FLT4: variants seen among roughly 807,000 people sequenced by gnomAD.
The protein encoded by FLT4 is vascular endothelial growth factor receptor 3.
A neutral mutation model predicts 163.2 loss-of-function variants in FLT4; 30 were observed. That is an observed-to-expected ratio of 0.18 (90% CI 0.14 to 0.25). The LOEUF is 0.25. FLT4 is among the 10% of genes least tolerant of loss of function. The pLI, the probability that FLT4 is intolerant of heterozygous loss-of-function variation, is 1.00. For synonymous variants in FLT4, 884 were observed against 789.5 expected, an observed-to-expected ratio of 1.12 and a Z score of -2.01; for missense variants, 1,510 against 1,863.8, an observed-to-expected ratio of 0.81 and a Z score of 3.50.
At chr5:180,605,043 C>T (rs531334835) in intron 29 of FLT4, among the ~76,000 whole-genome samples, 2 of 152,370 alleles carry the variant, frequency 1.3e-5, no homozygotes, top group Admixed American at 1.3e-4. Context: ...TCACTGCATC[C>T]TCGACCTTCT....
intron 11 of FLT4, 93 bp from the exon 12 acceptor site, chr5:180,622,932 C>CT (rs1028286698): frequency 4.0e-5 from 32 of 792,440 alleles, no homozygotes; most frequent in Non-Finnish European, 4.1e-5. Flanking sequence ...TGCACCACCC[C>CT]CCCCAATCAT....
chr5:180,607,461 C>A (rs988915925), intron 29 of FLT4, among the ~76,000 whole-genome samples: 11 of 151,872 alleles, frequency 7.2e-5, no homozygotes, highest in Admixed American at 3.9e-4. Flanking sequence ...CATGGCGAAA[C>A]CCGGTCTCTA....
Position 180,623,446 on chromosome 5 carries a change from C to T in FLT4, c.1548+489G>A, listed in dbSNP as rs960648041. Among the ~76,000 whole-genome samples the T allele has an allele frequency of 3.3e-5, 5 of 152,082 alleles. No individual in the cohort carries two copies. The highest frequency in any genetic ancestry group is 5.9e-5 in the Non-Finnish European group (4 of 67,990). ...CCATCCAAAGACCCCCACCCCCACC[C>T]CACCCCCAGCTGGGCACTTCCTGTC... On this transcript the variant is annotated intron_variant, in intron 11 of 29. Coordinates refer to ENST00000261937, the MANE Select transcript of FLT4 (RefSeq NM_182925.5). This position sits in a 1 kb window ranked among gnomAD's most constrained non-coding sequence, Gnocchi z 5.8.
At chr5:180,633,079 AC>A (rs985301838) in intron 1 of FLT4, among the ~76,000 whole-genome samples, 27 of 152,200 alleles carry the variant, frequency 1.8e-4, no homozygotes, top group Middle Eastern at 6.8e-3. Context: ...CCTGAAGCTA[AC>A]GGGGGTGGGG....
chr5:180,614,017 C>T (rs1439268427), intron 24 of FLT4, 51 bp downstream of exon 24: 1 of 1,280,718 alleles, frequency 7.8e-7, no homozygotes, highest in Non-Finnish European at 1.1e-6. Flanking sequence ...ATGTAACCTG[C>T]CGCCAGTGAC....
intron 24 of FLT4, chr5:180,613,321 A>C (rs1468957281): frequency 3.5e-5 from 18 of 521,046 alleles, no homozygotes; most frequent in Middle Eastern, 4.9e-4. Context: ...TCATTTGGTT[A>C]AAAGAGGACT....
intron 1 of FLT4, among the ~76,000 whole-genome samples, chr5:180,637,896 C>G (rs1001736738): frequency 9.2e-5 from 14 of 152,170 alleles, no homozygotes; most frequent in African/African-American, 3.4e-4. Flanking sequence ...GCCACTGCCC[C>G]TTTTCCTATC....
chr5:180,630,718 C>A lies in FLT4; in HGVS notation c.237G>T (p.Gly79=), dbSNP rs1424021649. 6.2e-7 allele frequency: 1 copy of A among 1,612,208 alleles called. No homozygotes were observed. The highest frequency in any genetic ancestry group is 1.1e-5 in the South Asian group (1 of 91,066). Residue 79 remains glycine (G), a synonymous_variant, in exon 3 of 30, where the codon GGG becomes GGT. Transcript: ENST00000261937. This position sits in a 1 kb window ranked among gnomAD's most constrained non-coding sequence, Gnocchi z 6.3. The stretch of plus-strand genomic sequence containing the variant: ...CTGTGCCCTCGCAGTCTCGCACCAC[C>A]CCCGTGTCCTCGCTGTCCTTGTCTC... ...ATGDKDSEDT[G]VVRDCEGTDA...
rs541267923 is a variant in FLT4, at chr5:180,612,909, C to T, written c.3431+102G>A. The T allele has an allele frequency of 5.1e-5, 44 of 858,768 alleles. No individual in the cohort carries two copies. Among genetic ancestry groups the T allele is most frequent in the Admixed American group, 7.7e-5 (4 of 52,182 alleles). 53.2% of individuals were successfully genotyped at this position (858,768 alleles called of 1,614,324 possible). ...CTTGAGGGTGGTGCCCAGGCCTGTC[C>T]TACTGGCCCTGGCTTCCCTGATGCC... On this transcript the variant is annotated intron_variant, in intron 25 of 29. Transcript: ENST00000261937.
chr5:180,612,066 C>T (rs1215995437), intron 26 of FLT4, among the ~76,000 whole-genome samples: 1 of 152,210 alleles, frequency 6.6e-6, no homozygotes, highest in African/African-American at 2.4e-5. Context: ...GGGTCACAAG[C>T]CGGCTCCATC....
chr5:180,643,041 T>C (rs1163001460), intron 1 of FLT4, among the ~76,000 whole-genome samples: 3 of 152,236 alleles, frequency 2.0e-5, no homozygotes, highest in African/African-American at 7.2e-5. Context: ...CGTTAAGATA[T>C]TGTCTTGGGA....
At chr5:180,613,483 C>A (rs1423168476) in intron 24 of FLT4, 2 of 269,314 alleles carry the variant, frequency 7.4e-6, no homozygotes, top group Non-Finnish European at 1.4e-5. Context: ...TGCTGCTCCC[C>A]CCAACCCCTG....
At chr5:180,641,571 G>A (rs13354902) in intron 1 of FLT4, among the ~76,000 whole-genome samples, 6,434 of 151,480 alleles carry the variant, frequency 0.042, 198 homozygotes, top group South Asian at 0.12. Flanking sequence ...GCTGAGCTGG[G>A]GTTGGGCAGA....
At chr5:180,614,392 T>G (rs750798605) in intron 23 of FLT4, among the ~76,000 whole-genome samples, 4 of 152,088 alleles carry the variant, frequency 2.6e-5, no homozygotes, top group Non-Finnish European at 4.4e-5. Context: ...GGTATCTCCC[T>G]GCTGCTGTTC....
In FLT4 at chr5:180,606,911, A is replaced by AAC. The variant is rs1208322645; in HGVS notation, c.3893+2056_3893+2057insGT. ...TCTCTACTAAAAAAAAAAAAAAAAA[A>AAC]AAAACAAACAAACAAACTTAGCTGG... is the stretch of plus-strand genomic sequence containing the variant. On this transcript the variant is annotated intron_variant, in intron 29 of 29. Transcript: ENST00000261937. Among the ~76,000 whole-genome samples the AAC allele has an allele frequency of 1.5e-3, 223 of 146,878 alleles. 1 individual carries two copies. Among genetic ancestry groups the AAC allele is most frequent in the Non-Finnish European group, 2.1e-3 (136 of 66,152 alleles).
chr5:180,648,840 T>G (rs1226653144), intron 1 of FLT4, among the ~76,000 whole-genome samples: 1 of 152,196 alleles, frequency 6.6e-6, no homozygotes, highest in Non-Finnish European at 1.5e-5. Flanking sequence ...CGGGGACCCC[T>G]GGCCTTCCGC....
At position 180,630,293 on chromosome 5, in the gene FLT4, T is replaced by A. The variant is rs34221241; in HGVS notation, c.445A>T (p.Asn149Tyr). ...FINKPDTLLV[N>Y]RKDAMWVPCL... ...GGCACCCACATGGCGTCCTTCCTGT[T>A]GACCAAGAGCGTGTCAGGCTTGTTG... Residue 149 changes from asparagine (N) to tyrosine (Y), a missense_variant, in exon 4 of 30, where the codon AAC (asparagine) becomes TAC (tyrosine). Asn to Tyr is a moderately radical substitution (Grantham distance 143, BLOSUM62 -2). Transcript: ENST00000261937. The surrounding 1 kb of genome is among the most constrained non-coding windows in gnomAD (Gnocchi z 6.3). 6.2e-7 allele frequency: 1 copy of A among 1,612,106 alleles called. No homozygotes were observed. The highest frequency in any genetic ancestry group is 8.5e-7 in the Non-Finnish European group (1 of 1,179,824).
intron 29 of FLT4, among the ~76,000 whole-genome samples, chr5:180,603,763 G>C (rs917416620): frequency 6.6e-6 from 1 of 152,160 alleles, no homozygotes; most frequent in African/African-American, 2.4e-5. Flanking sequence ...CATTAGCCGG[G>C]CGTGGTGGCG....
chr5:180,609,994 G>A lies in FLT4; in HGVS notation c.3718C>T (p.Leu1240=). 6.2e-7 allele frequency: 1 copy of A among 1,614,226 alleles called. No individual in the cohort carries two copies. The highest frequency in any genetic ancestry group is 8.5e-7 in the Non-Finnish European group (1 of 1,180,026). Residue 1240 remains leucine (L), a synonymous_variant, in exon 28 of 30, where the codon CTG becomes TTG. Transcript: ENST00000261937. The part of the protein sequence containing the change: ...YYNWVSFPGC[L]ARGAETRGSS... ...CCACGGGTCTCAGCCCCTCTGGCCA[G>A]GCACCCGGGAAAGGACACCCAGTTG...
Sources: allele counts gnomAD v4.1 joint callset (sites outside exome capture counted in the v4.1 genomes callset), GRCh38; gene constraint gnomAD v4.1.1; non-coding constraint Gnocchi (gnomAD v3.1); transcripts MANE v1.5; gene names NCBI Gene and HGNC (gene_info 2026-07-23, HGNC 2026-07-21).